The following TPST1 variants were observed in gnomAD, a reference collection of about 807,000 sequenced individuals.
TPST1 encodes the protein tyrosylprotein sulfotransferase 1.
A neutral mutation model predicts 34.8 loss-of-function variants in TPST1; 20 were observed. The ratio of observed to expected loss-of-function variants is 0.57; its 90% CI spans 0.40 to 0.84. The LOEUF (loss-of-function observed/expected upper bound fraction) is 0.84. Ranked by LOEUF, TPST1 falls within the 40% of genes least tolerant of loss-of-function variation. TPST1 has a pLI of 0.00. For synonymous variants in TPST1, 152 were observed against 159.4 expected (o/e 0.95, Z 0.35); for missense variants, 353 against 455.5 (o/e 0.78, Z 2.05).
At chr7:66,252,991 A>G (rs887812454) in intron 2 of TPST1, among the ~76,000 whole-genome samples, 1 of 152,162 alleles carries the variant, frequency 6.6e-6, no homozygotes, top group Non-Finnish European at 1.5e-5. Context: ...CTTTGGATCC[A>G]TGGGTTCCAC....
intron 3 of TPST1, among the ~76,000 whole-genome samples, chr7:66,339,890 A>T (rs562414758): frequency 4.7e-4 from 71 of 151,958 alleles, no homozygotes; most frequent in Non-Finnish European, 9.4e-4. Context: ...GGATGCAAGG[A>T]TGATTCAGCA....
rs76595799 is a variant in TPST1, at chr7:66,294,475, A to G, written c.1044+7766A>G. Among the ~76,000 whole-genome samples, 198 of 152,242 alleles carry G rather than the reference A, an allele frequency of 1.3e-3. 1 individual carries two copies. Among genetic ancestry groups the G allele is most frequent in the African/African-American group, 4.5e-3 (186 of 41,546 alleles). ...CTATGTGAATTCCTTTCTCTTAGGTATTACTTTTATTTCCCCTTTTCAATT... is the reference window on the plus strand; with the variant it reads ...CTATGTGAATTCCTTTCTCTTAGGTGTTACTTTTATTTCCCCTTTTCAATT... On this transcript the variant is annotated intron_variant, in intron 3 of 5. Transcript: ENST00000304842.
At chr7:66,325,080 A>G (rs1038421376) in intron 3 of TPST1, among the ~76,000 whole-genome samples, 20 of 152,164 alleles carry the variant, frequency 1.3e-4, no homozygotes, top group Admixed American at 3.3e-4. Context: ...ATAGTTCAGC[A>G]TGGCTGGGGA....
chr7:66,322,704 T>C (rs760694059), intron 3 of TPST1, among the ~76,000 whole-genome samples: 17 of 152,208 alleles, frequency 1.1e-4, no homozygotes, highest in Admixed American at 3.9e-4. Context: ...TGTGCAGATA[T>C]CTCTTTGAGT....
chr7:66,266,991 G>A (rs1429016639), intron 2 of TPST1, among the ~76,000 whole-genome samples: 1 of 152,056 alleles, frequency 6.6e-6, no homozygotes, highest in African/African-American at 2.4e-5. Flanking sequence ...TTCAGACAGT[G>A]TTGCTGTTAA....
chr7:66,320,420 T>G (rs1791730281), intron 3 of TPST1, among the ~76,000 whole-genome samples: 1 of 150,236 alleles, frequency 6.7e-6, no homozygotes, highest in African/African-American at 2.5e-5. Flanking sequence ...GCTAATTTTT[T>G]GTATTTTTAG....
Position 66,207,696 on chromosome 7 carries a change from C to G in TPST1, c.-102+2174C>G, listed in dbSNP as rs142862084. Among the ~76,000 whole-genome samples, 58 of 152,324 alleles carry G rather than the reference C, an allele frequency of 3.8e-4. No homozygotes were observed. In the East Asian group the frequency reaches 0.01, roughly 27 times the overall value. On this transcript the variant is annotated intron_variant, in intron 1 of 5. Coordinates refer to ENST00000304842, the MANE Select transcript of TPST1 (RefSeq NM_003596.4). ...ATATATTTATGGTTTTCAAAGACGT[C>G]TATTTAGTCCCCGTTTCTCTTGAAC...
chr7:66,229,722 A>G (rs1004526061), intron 1 of TPST1, among the ~76,000 whole-genome samples: 3 of 152,198 alleles, frequency 2.0e-5, no homozygotes, highest in Non-Finnish European at 1.5e-5. Flanking sequence ...CAGTAGATAT[A>G]TCTATCATTG....
At chr7:66,284,225 C>G (rs895434713) in intron 2 of TPST1, among the ~76,000 whole-genome samples, 1 of 152,148 alleles carries the variant, frequency 6.6e-6, no homozygotes, top group Non-Finnish European at 1.5e-5. Flanking sequence ...ATATGGCTTT[C>G]ACTATTCTGA....
At chr7:66,302,739 AT>A (rs1176679359) in intron 3 of TPST1, among the ~76,000 whole-genome samples, 1 of 152,110 alleles carries the variant, frequency 6.6e-6, no homozygotes, top group African/African-American at 2.4e-5. Context: ...CTTGGCATTC[AT>A]TTACTGCTTT....
At chr7:66,270,137 C>A (rs1263974052) in intron 2 of TPST1, among the ~76,000 whole-genome samples, 2 of 152,028 alleles carry the variant, frequency 1.3e-5, no homozygotes, top group Non-Finnish European at 1.5e-5. Context: ...GGAAGGAGTG[C>A]TCCAGGCAGA....
chr7:66,231,310 G>A (rs1406315856), intron 1 of TPST1, among the ~76,000 whole-genome samples: 13 of 152,236 alleles, frequency 8.5e-5, no homozygotes, highest in Non-Finnish European at 1.2e-4. Context: ...AGTGGATCCC[G>A]CACCGGGGCT....
chr7:66,317,227 A>C (rs1381114273), intron 3 of TPST1, among the ~76,000 whole-genome samples: 1 of 152,080 alleles, frequency 6.6e-6, no homozygotes, highest in African/African-American at 2.4e-5. Context: ...CTTGGTCCTA[A>C]TATTACTGAT....
chr7:66,327,981 T>G (rs890094210), intron 3 of TPST1, among the ~76,000 whole-genome samples: 6 of 148,170 alleles, frequency 4.0e-5, no homozygotes, highest in Non-Finnish European at 9.0e-5. Flanking sequence ...GTTTTTGGTG[T>G]TTTTTTTTCT....
At chr7:66,314,046 C>G (rs1192737075) in intron 3 of TPST1, among the ~76,000 whole-genome samples, 1 of 151,974 alleles carries the variant, frequency 6.6e-6, no homozygotes, top group Non-Finnish European at 1.5e-5. Flanking sequence ...CTGATGTTTC[C>G]TCTTGATTAT....
At chr7:66,250,152 A>G (rs1330052276) in intron 2 of TPST1, among the ~76,000 whole-genome samples, 1 of 152,178 alleles carries the variant, frequency 6.6e-6, no homozygotes, top group Non-Finnish European at 1.5e-5. Context: ...GTTATGTGCC[A>G]GGCAGTATGC....
At chr7:66,318,550 T>TC (rs1373141461) in intron 3 of TPST1, among the ~76,000 whole-genome samples, 1 of 151,330 alleles carries the variant, frequency 6.6e-6, no homozygotes, top group Admixed American at 6.6e-5. Flanking sequence ...CACTGCAACC[T>TC]CCCCCTCCTG....
rs1792019423 is a variant in TPST1, at chr7:66,332,610, C to T, written c.1045-19895C>T. Among the ~76,000 whole-genome samples the T allele has an allele frequency of 1.3e-5, 2 of 152,086 alleles. No individual in the cohort carries two copies. Among genetic ancestry groups the T allele is most frequent in the South Asian group, 4.1e-4 (2 of 4,824 alleles). On this transcript the variant is annotated intron_variant, in intron 3 of 5. Transcript: ENST00000304842. The surrounding 1 kb of genome is among the most constrained non-coding windows in gnomAD (Gnocchi z 4.5). ...AATTATGAATTGTTACTATAGTCAG[C>T]CCTTTGTATCTGTGGTTTCCACATC... is the stretch of plus-strand genomic sequence containing the variant.
chr7:66,286,834 T>C (rs912862986), intron 3 of TPST1, 125 bp downstream of exon 3: 2 of 510,990 alleles, frequency 3.9e-6, no homozygotes, highest in Non-Finnish European at 5.6e-6. Context: ...TTTTTTTTCA[T>C]TTATTTTTAT....
Sources: gnomAD v4.1 joint callset for allele counts (sites outside exome capture counted in the v4.1 genomes callset) on GRCh38, gnomAD v4.1.1 for gene constraint, Gnocchi (gnomAD v3.1) non-coding constraint, MANE v1.5 for transcripts, NCBI Gene and HGNC (gene_info 2026-07-23, HGNC 2026-07-21) for gene names.